The following RNF180 variants were observed in gnomAD, a reference collection of about 807,000 sequenced individuals.
RNF180 encodes ring finger protein 180, also known as E3 ubiquitin-protein ligase RNF180.
RNF180 carries 38 observed loss-of-function variants against 59.2 expected under a neutral mutation model. That is an observed-to-expected ratio of 0.64 (90% CI 0.50 to 0.84). The LOEUF is 0.84. Among genes scored for constraint, RNF180 ranks in the 40% least tolerant of loss-of-function variants. The pLI is 0.00. For missense variants in RNF180, 705 were observed against 700.9 expected (o/e 1.01, Z -0.07); for synonymous variants, 262 against 240.3 (o/e 1.09, Z -0.84).
chr5:64,247,167 G>A (rs1342121806), intron 5 of RNF180, among the ~76,000 whole-genome samples: 1 of 152,088 alleles, frequency 6.6e-6, no homozygotes, highest in Non-Finnish European at 1.5e-5. Context: ...TACTGAATGG[G>A]CAAAAGCTGG....
At chr5:64,330,496 G>A in intron 7 of RNF180, 90 bp downstream of exon 7, 2 of 1,184,580 alleles carry the variant, frequency 1.7e-6, no homozygotes, top group South Asian at 1.4e-5. Context: ...AGAAATATTA[G>A]GGGAAACATA....
intron 5 of RNF180, among the ~76,000 whole-genome samples, chr5:64,324,470 G>A (rs1744530579): frequency 6.6e-6 from 1 of 152,212 alleles, no homozygotes; most frequent in African/African-American, 2.4e-5. Context: ...CACACAGACA[G>A]CAGCCCCAGC....
At chr5:64,205,495 T>C (rs989337556) in intron 2 of RNF180, among the ~76,000 whole-genome samples, 2 of 152,154 alleles carry the variant, frequency 1.3e-5, no homozygotes, top group Admixed American at 1.3e-4. Context: ...TTGTGCAATC[T>C]GTGTTAGGGA....
chr5:64,306,844 G>A (rs1024797404), intron 5 of RNF180, among the ~76,000 whole-genome samples: 3 of 151,408 alleles, frequency 2.0e-5, no homozygotes, highest in African/African-American at 7.3e-5. Flanking sequence ...GGAGGAGGGA[G>A]GGATAGCATT....
intron 5 of RNF180, among the ~76,000 whole-genome samples, chr5:64,298,129 C>T (rs1201234964): frequency 4.6e-5 from 7 of 152,002 alleles, no homozygotes; most frequent in Non-Finnish European, 2.9e-5. Flanking sequence ...TGGTTTTCTA[C>T]TCCTGCATTA....
At chr5:64,369,553 A>T in intron 7 of RNF180, 62 bp from the exon 8 acceptor site, 1 of 1,030,240 alleles carries the variant, frequency 9.7e-7, no homozygotes. Context: ...ACTTGTGTAC[A>T]GCTTCTTTTC....
chr5:64,232,803 T>C (rs547121118), intron 5 of RNF180, among the ~76,000 whole-genome samples: 1 of 152,218 alleles, frequency 6.6e-6, no homozygotes, highest in East Asian at 1.9e-4. Context: ...TCCCTTTGGA[T>C]ATATTATTCA....
chr5:64,201,241 T>A (rs908770503), intron 2 of RNF180, among the ~76,000 whole-genome samples: 3 of 152,256 alleles, frequency 2.0e-5, no homozygotes, highest in Non-Finnish European at 4.4e-5. Context: ...CAATGTTTTT[T>A]ATTCCCACTA....
At chr5:64,165,688 G>T (rs1392665775), upstream of RNF180, among the ~76,000 whole-genome samples, 1 of 152,138 alleles carries the variant, frequency 6.6e-6, no homozygotes, top group Non-Finnish European at 1.5e-5. Flanking sequence ...GCCCACGCGC[G>T]GCTCGGGTGG....
rs1002357697 is a variant in RNF180, at chr5:64,371,196, G to T, written c.*1382G>T. ...TAAATTATATCTATTACAGAAAATA[G>T]TATACACTAGACATCAAATCCAGAA... On this transcript the variant is annotated 3_prime_UTR_variant, in exon 8 of 8. Transcript: ENST00000389100. 1.3e-5 allele frequency: 2 copies of T among 151,492 alleles called. No individual in the cohort carries two copies. The highest frequency in any genetic ancestry group is 3.0e-5 in the Non-Finnish European group (2 of 67,680). The allele number at this position is 151,492 out of a possible 1,614,324, so 9.4% of individuals were successfully genotyped here. A position where few individuals can be genotyped will look rare whatever the true frequency, so the allele number is the denominator to read the frequency against.
chr5:64,201,255 G>A (rs1015623964), intron 2 of RNF180, among the ~76,000 whole-genome samples: 1 of 152,140 alleles, frequency 6.6e-6, no homozygotes, highest in African/African-American at 2.4e-5. Flanking sequence ...CCCACTATGA[G>A]TGAGCCTCAG....
At chr5:64,326,178 A>C (rs1401959516) in intron 6 of RNF180, among the ~76,000 whole-genome samples, 2 of 152,068 alleles carry the variant, frequency 1.3e-5, no homozygotes, top group Non-Finnish European at 2.9e-5. Flanking sequence ...TTCTTCCCTC[A>C]AGGAAATACA....
chr5:64,179,506 C>T lies in RNF180; in HGVS notation c.-1+13553C>T, dbSNP rs181802612. Among the ~76,000 whole-genome samples, 224 of 152,206 alleles carry T rather than the reference C, an allele frequency of 1.5e-3. 1 individual carries two copies. Among genetic ancestry groups the T allele is most frequent in the African/African-American group, 5.2e-3 (215 of 41,540 alleles). ...GCTTTAAAACTTTTTATAAATCTTA[C>T]TGTGCTGTGTTATTCTTTAATGTGT... On this transcript the variant is annotated intron_variant, in intron 1 of 7. Transcript: ENST00000389100.
intron 5 of RNF180, among the ~76,000 whole-genome samples, chr5:64,281,026 C>A (rs1741981642): frequency 6.6e-6 from 1 of 152,158 alleles, no homozygotes; most frequent in African/African-American, 2.4e-5. Context: ...TTTCACCTCC[C>A]TGGTTAGCTG....
At chr5:64,329,944 C>G (rs932546963) in intron 6 of RNF180, among the ~76,000 whole-genome samples, 1 of 152,110 alleles carries the variant, frequency 6.6e-6, no homozygotes, top group Non-Finnish European at 1.5e-5. Flanking sequence ...CATTTGTGAC[C>G]CAGGGGTTGG....
At chr5:64,350,005 T>C (rs1415152746) in intron 7 of RNF180, among the ~76,000 whole-genome samples, 2 of 152,214 alleles carry the variant, frequency 1.3e-5, no homozygotes, top group Non-Finnish European at 2.9e-5. Flanking sequence ...TCTTCCACAA[T>C]GGTTGAACTA....
At chr5:64,355,481 T>C (rs959070445) in intron 7 of RNF180, among the ~76,000 whole-genome samples, 39 of 151,978 alleles carry the variant, frequency 2.6e-4, no homozygotes, top group Non-Finnish European at 7.4e-5. Context: ...AAGATATCAG[T>C]ACTGCCCAAG....
intron 1 of RNF180, among the ~76,000 whole-genome samples, chr5:64,177,490 CTCTA>C (rs1401490376): frequency 7.2e-6 from 1 of 138,838 alleles, no homozygotes; most frequent in Non-Finnish European, 1.5e-5. Flanking sequence ...TGAACTTGTT[CTCTA>C]TCTAGATTTT....
intron 5 of RNF180, among the ~76,000 whole-genome samples, chr5:64,252,975 C>T (rs1187615365): frequency 6.6e-6 from 1 of 151,830 alleles, no homozygotes; most frequent in African/African-American, 2.4e-5. Context: ...TTGCTCTGTA[C>T]CTCCCCGAGA....
Sources: gnomAD v4.1 joint callset for allele counts (sites outside exome capture counted in the v4.1 genomes callset) on GRCh38, gnomAD v4.1.1 for gene constraint, MANE v1.5 for transcripts, NCBI Gene and HGNC (gene_info 2026-07-23, HGNC 2026-07-21) for gene names.